TTLL11: variants seen among roughly 807,000 people sequenced by gnomAD.
The protein encoded by TTLL11 is tubulin polyglutamylase TTLL11.
A neutral mutation model predicts 51.7 loss-of-function variants in TTLL11; 42 were observed. That is an observed-to-expected ratio of 0.81 (90% CI 0.64 to 1.05). The LOEUF (loss-of-function observed/expected upper bound fraction) is 1.05. Among genes scored for constraint, TTLL11 ranks in the 50% least tolerant of loss-of-function variants. The pLI, the probability that TTLL11 is intolerant of heterozygous loss-of-function variation, is 0.00. For missense variants in TTLL11, 799 were observed against 940.4 expected, an observed-to-expected ratio of 0.85 and a Z score of 1.97; for synonymous variants, 381 against 383.5, an observed-to-expected ratio of 0.99 and a Z score of 0.08.
intron 6 of TTLL11, among the ~76,000 whole-genome samples, chr9:121,880,407 C>G (rs1167236156): frequency 6.6e-6 from 1 of 152,164 alleles, no homozygotes; most frequent in Admixed American, 6.5e-5. Context: ...ATTTAAGATT[C>G]TCTCTCACCT....
At chr9:122,054,418 T>C (rs372033244) in intron 1 of TTLL11, among the ~76,000 whole-genome samples, 5 of 152,304 alleles carry the variant, frequency 3.3e-5, no homozygotes, top group Middle Eastern at 3.4e-3. Flanking sequence ...TTATTAGTAG[T>C]AATTATATTA....
At chr9:121,896,977 C>G (rs572439470) in intron 6 of TTLL11, among the ~76,000 whole-genome samples, 1 of 152,284 alleles carries the variant, frequency 6.6e-6, no homozygotes, top group South Asian at 2.1e-4. Flanking sequence ...CAGTGTCAAC[C>G]AATCACCTAT....
At chr9:121,993,457 G>C (rs573942031) in intron 3 of TTLL11, among the ~76,000 whole-genome samples, 1 of 152,288 alleles carries the variant, frequency 6.6e-6, no homozygotes, top group Non-Finnish European at 1.5e-5. Context: ...CTAACTTTCT[G>C]GGCTTTGTTG....
intron 8 of TTLL11, among the ~76,000 whole-genome samples, chr9:121,830,764 A>G (rs937052483): frequency 1.3e-5 from 2 of 152,346 alleles, no homozygotes; most frequent in Middle Eastern, 3.4e-3. Flanking sequence ...GGGCTATGAT[A>G]GAGGAGACCT....
intron 6 of TTLL11, among the ~76,000 whole-genome samples, chr9:121,933,484 A>G (rs1841072434): frequency 6.6e-6 from 1 of 152,108 alleles, no homozygotes; most frequent in Non-Finnish European, 1.5e-5. Context: ...TGGGTTAGAA[A>G]TCCGGACCTC....
At chr9:122,060,114 T>C (rs972747965) in intron 1 of TTLL11, among the ~76,000 whole-genome samples, 1 of 152,194 alleles carries the variant, frequency 6.6e-6, no homozygotes, top group African/African-American at 2.4e-5. Flanking sequence ...CCTTTTACCC[T>C]ACAATGTAAT....
chr9:122,062,462 C>CTTTTTTTTTTTTTTTT (rs386416145), intron 1 of TTLL11, among the ~76,000 whole-genome samples: 9 of 77,678 alleles, frequency 1.2e-4, no homozygotes, highest in Admixed American at 1.9e-4. Context: ...TTATATTATG[C>CTTTTTTTTTTTTTTTT]TTTTTTTTTT....
chr9:121,886,211 G>A (rs1161095206), intron 6 of TTLL11, among the ~76,000 whole-genome samples: 1 of 152,166 alleles, frequency 6.6e-6, no homozygotes, highest in Non-Finnish European at 1.5e-5. Context: ...TGACTTTGGG[G>A]GAACCATTAG....
intron 8 of TTLL11, among the ~76,000 whole-genome samples, chr9:121,848,005 A>T (rs1221457893): frequency 6.6e-6 from 1 of 152,216 alleles, no homozygotes. Context: ...GTTTGAGACC[A>T]GCCTGGGCAA....
chr9:121,837,878 C>T (rs919547601), intron 8 of TTLL11, among the ~76,000 whole-genome samples: 4 of 152,232 alleles, frequency 2.6e-5, no homozygotes, highest in African/African-American at 9.6e-5. Context: ...CATGTGACCA[C>T]GTGGAAGCCT....
intron 8 of TTLL11, among the ~76,000 whole-genome samples, chr9:121,825,236 G>A (rs1450342188): frequency 6.6e-6 from 1 of 152,136 alleles, no homozygotes; most frequent in Non-Finnish European, 1.5e-5. Flanking sequence ...TGTGTGAGAT[G>A]GTCGGGTGGG....
At chr9:121,878,562 C>T (rs4503172) in intron 6 of TTLL11, among the ~76,000 whole-genome samples, 93,052 of 151,984 alleles carry the variant, frequency 0.61, 28,737 homozygotes, top group East Asian at 0.89. Context: ...CAGGGCCAGG[C>T]GACGCATTAA....
At chr9:122,008,099 C>T (rs1238326641) in intron 3 of TTLL11, among the ~76,000 whole-genome samples, 2 of 152,170 alleles carry the variant, frequency 1.3e-5, no homozygotes, top group Non-Finnish European at 2.9e-5. Flanking sequence ...GGGCAGTGTA[C>T]TAAGTAGCCT....
At position 122,039,327 on chromosome 9, in the gene TTLL11, A is replaced by G. The variant is rs1844781280; in HGVS notation, c.504T>C (p.His168=). Reference sequence around the variant, plus strand: ...TGTCATTGTCGTGAAATGAAACTCCATGCCAGTAGATGTCACAAGGCAAGC... The same window carrying G: ...TGTCATTGTCGTGAAATGAAACTCCGTGCCAGTAGATGTCACAAGGCAAGC... The part of the protein sequence containing the change: ...GRRLPCDIYW[H]GVSFHDNDIF... Residue 168 remains histidine (H), a synonymous_variant, in exon 2 of 9, where the codon CAT becomes CAC. Coordinates refer to ENST00000321582, the MANE Select transcript of TTLL11 (RefSeq NM_001139442.2). 1.2e-5 allele frequency: 19 copies of G among 1,614,116 alleles called. No homozygotes were observed. The highest frequency in any genetic ancestry group is 1.5e-5 in the Non-Finnish European group (18 of 1,179,950).
At position 122,049,003 on chromosome 9, in the gene TTLL11, G is replaced by A. The variant is rs374709284; in HGVS notation, c.463-9635C>T. Among the ~76,000 whole-genome samples the A allele has an allele frequency of 1.1e-4, 16 of 150,274 alleles. No homozygotes were observed. In the South Asian group the frequency reaches 2.1e-3, roughly 20 times the overall value. On this transcript the variant is annotated intron_variant, in intron 1 of 8. Coordinates refer to ENST00000321582, the MANE Select transcript of TTLL11 (RefSeq NM_001139442.2). ...GAGGTCATAAATTCCTTTGAGATTC[G>A]TGCCAGAAAAAAAAAAAAAGCACGC...
At chr9:122,092,549 C>A (rs1846290026) in intron 1 of TTLL11, 138 bp downstream of exon 1, 2 of 1,440,802 alleles carry the variant, frequency 1.4e-6, no homozygotes, top group Admixed American at 2.6e-5. Context: ...CACTTTGCGG[C>A]TGACAAGCAG....
In TTLL11 at chr9:121,819,887, C is replaced by T. The variant is rs1307084419; in HGVS notation, c.*2700G>A. Among the ~76,000 whole-genome samples, 1 of 152,236 alleles carries T rather than the reference C, an allele frequency of 6.6e-6. No individual in the cohort carries two copies. Among genetic ancestry groups the T allele is most frequent in the Non-Finnish European group, 1.5e-5 (1 of 68,044 alleles). On this transcript the variant is annotated 3_prime_UTR_variant, in exon 9 of 9. Transcript: ENST00000321582. ...TAGGAATGGAGGAGGCGGGGTGATTCAGTTATCACTCATTCTGACAATGGA... is the reference window on the plus strand; with the variant it reads ...TAGGAATGGAGGAGGCGGGGTGATTTAGTTATCACTCATTCTGACAATGGA...
intron 6 of TTLL11, among the ~76,000 whole-genome samples, chr9:121,898,310 G>A (rs73546414): frequency 0.012 from 1,828 of 152,356 alleles, 30 homozygotes; most frequent in African/African-American, 0.042. Context: ...TTGGGAAAAA[G>A]GAGGCTGGGG....
At chr9:122,018,923 G>A (rs560385797) in intron 3 of TTLL11, among the ~76,000 whole-genome samples, 7 of 152,276 alleles carry the variant, frequency 4.6e-5, no homozygotes, top group African/African-American at 7.2e-5. Flanking sequence ...GAGACTCCCC[G>A]AACAGCTAAA....
Sources: gnomAD v4.1 joint callset for allele counts (sites outside exome capture counted in the v4.1 genomes callset) on GRCh38, gnomAD v4.1.1 for gene constraint, MANE v1.5 for transcripts, NCBI Gene and HGNC (gene_info 2026-07-23, HGNC 2026-07-21) for gene names.